Variants in LYRM4 observed in about 807,000 individuals in gnomAD.
LYRM4 encodes the protein LYR motif containing 4, also known as LYR motif-containing protein 4.
Under a neutral mutation model 11.7 loss-of-function variants are expected in LYRM4, and 9 were observed. The ratio of observed to expected loss-of-function variants is 0.77; its 90% confidence interval spans 0.46 to 1.34. LYRM4 has a LOEUF of 1.34. LYRM4 is among the 40% of genes most tolerant of loss of function. The pLI, the probability that LYRM4 is intolerant of heterozygous loss-of-function variation, is 0.00. For missense variants in LYRM4, 133 were observed against 112.5 expected (o/e 1.18, Z -0.82); for synonymous variants, 42 against 40.4 (o/e 1.04, Z -0.15).
chr6:5,073,152 T>C, the LYRM4 span, among the ~76,000 whole-genome samples: 1 of 152,014 alleles, frequency 6.6e-6, no homozygotes, highest in Non-Finnish European at 1.5e-5. Flanking sequence ...AGGCGGGCAG[T>C]GGGCCGATCA....
chr6:5,070,746 G>A, the LYRM4 span, among the ~76,000 whole-genome samples: 1 of 151,662 alleles, frequency 6.6e-6, no homozygotes, highest in Non-Finnish European at 1.5e-5. Context: ...GCATGGTGGT[G>A]CATGCCTGTC....
chr6:5,221,521 T>C (rs555985071), intron 1 of LYRM4, among the ~76,000 whole-genome samples: 11 of 152,076 alleles, frequency 7.2e-5, no homozygotes, highest in East Asian at 1.9e-4. Flanking sequence ...GGTGAAACCC[T>C]GTCTCTACTA....
chr6:5,146,440 C>CT (rs1757727964), intron 2 of LYRM4, among the ~76,000 whole-genome samples: 1 of 152,126 alleles, frequency 6.6e-6, no homozygotes. Flanking sequence ...TAGTATTATA[C>CT]TTTTGTGCAG....
At chr6:5,194,196 A>G (rs1331562006) in intron 2 of LYRM4, among the ~76,000 whole-genome samples, 1 of 152,190 alleles carries the variant, frequency 6.6e-6, no homozygotes, top group East Asian at 1.9e-4. Context: ...TTTGGGGATT[A>G]GAAAAGATAC....
intron 2 of LYRM4, among the ~76,000 whole-genome samples, chr6:5,119,997 C>T (rs1033968152): frequency 6.6e-5 from 10 of 151,742 alleles, no homozygotes; most frequent in East Asian, 2.0e-4. Flanking sequence ...TGGGTTCAAG[C>T]GATTCTTCTG....
chr6:5,064,710 AT>A, the LYRM4 span, among the ~76,000 whole-genome samples: 2 of 152,148 alleles, frequency 1.3e-5, no homozygotes, highest in South Asian at 4.1e-4. Flanking sequence ...TAGCCTTATT[AT>A]TATTTTTAGT....
chr6:5,257,640 G>A (rs900201383), intron 1 of LYRM4, among the ~76,000 whole-genome samples: 8 of 152,150 alleles, frequency 5.3e-5, no homozygotes, highest in African/African-American at 1.2e-4. Context: ...TCAGATCAGC[G>A]GCGGCATTAG....
At chr6:5,257,661 G>A (rs1196831841) in intron 1 of LYRM4, among the ~76,000 whole-genome samples, 2 of 152,240 alleles carry the variant, frequency 1.3e-5, no homozygotes, top group African/African-American at 4.8e-5. Flanking sequence ...ATTCTCATAG[G>A]TGCACCTATT....
chr6:5,163,891 C>T (rs1263020975), intron 2 of LYRM4, among the ~76,000 whole-genome samples: 1 of 152,104 alleles, frequency 6.6e-6, no homozygotes, highest in South Asian at 2.1e-4. Context: ...ACAGCATGAG[C>T]CACTGTGCCC....
intron 2 of LYRM4, among the ~76,000 whole-genome samples, chr6:5,110,525 T>C (rs1317268619): frequency 2.6e-5 from 4 of 152,180 alleles, no homozygotes; most frequent in Non-Finnish European, 4.4e-5. Context: ...CAGAGGTATC[T>C]TGAAGGTCCG....
chr6:5,123,705 T>C (rs1763569897), intron 2 of LYRM4, among the ~76,000 whole-genome samples: 1 of 152,200 alleles, frequency 6.6e-6, no homozygotes. Flanking sequence ...GCGACCAGAT[T>C]CCATTCTGAG....
intron 2 of LYRM4, among the ~76,000 whole-genome samples, chr6:5,141,824 TAA>T (rs1207157802): frequency 2.0e-5 from 3 of 152,138 alleles, no homozygotes; most frequent in Non-Finnish European, 4.4e-5. Context: ...GAGAAAACGT[TAA>T]AGTTTCCAAT....
the LYRM4 span, chr6:5,065,673 C>T: frequency 1.3e-5 from 2 of 153,824 alleles, no homozygotes; most frequent in Non-Finnish European, 1.5e-5. Flanking sequence ...AAATGATCTA[C>T]GTGTCATGTG....
chr6:5,136,308 C>T, intron 2 of LYRM4: 2 of 985,436 alleles, frequency 2.0e-6, no homozygotes, highest in Non-Finnish European at 2.4e-6. Context: ...AAAACCAAAT[C>T]AGTATTCTTC....
the LYRM4 span, chr6:5,065,913 CT>C: frequency 4.6e-6 from 1 of 215,992 alleles, no homozygotes; most frequent in Non-Finnish European, 9.7e-6. Context: ...TCTCTTCTTC[CT>C]TTTTTCCTAT....
At chr6:5,101,968 C>CATTTTTTTTTTTTTTT (rs556454653), downstream of LYRM4, among the ~76,000 whole-genome samples, 1 of 67,988 alleles carries the variant, frequency 1.5e-5, no homozygotes, top group African/African-American at 4.6e-5. Flanking sequence ...CTAATGCTTT[C>CATTTTTTTTTTTTTTT]TTTTTTTTTT....
intron 2 of LYRM4, among the ~76,000 whole-genome samples, chr6:5,145,323 G>GT (rs1757657262): frequency 6.6e-6 from 1 of 152,224 alleles, no homozygotes; most frequent in Non-Finnish European, 1.5e-5. Context: ...GCATTTCCAT[G>GT]TGGGGGGCAC....
chr6:5,074,025 C>T, the LYRM4 span, among the ~76,000 whole-genome samples: 1 of 152,132 alleles, frequency 6.6e-6, no homozygotes, highest in Non-Finnish European at 1.5e-5. Context: ...GCTAGACACA[C>T]GTGGCTGCAG....
downstream of LYRM4, among the ~76,000 whole-genome samples, chr6:5,098,988 G>A (rs402103): frequency 0.62 from 94,648 of 151,862 alleles, 30,208 homozygotes; most frequent in East Asian, 0.81. Flanking sequence ...AACACCCCCA[G>A]TGCTGCTCAC....
Sources: gnomAD v4.1 joint callset for allele counts (sites outside exome capture counted in the v4.1 genomes callset) on GRCh38, gnomAD v4.1.1 for gene constraint, MANE v1.5 for transcripts, NCBI Gene and HGNC (gene_info 2026-07-23, HGNC 2026-07-21) for gene names.